BRWD3: variants seen among roughly 807,000 people sequenced by gnomAD.
The protein encoded by BRWD3 is bromodomain and WD repeat-containing protein 3.
In BRWD3, 10 loss-of-function variants were observed where a neutral mutation model predicts 149.7. The ratio of observed to expected loss-of-function variants is 0.07; its 90% CI spans 0.04 to 0.11. BRWD3 has a LOEUF of 0.11. Ranked by LOEUF, BRWD3 falls within the 10% of genes least tolerant of loss-of-function variation. The pLI, the probability that BRWD3 is intolerant of heterozygous loss-of-function variation, is 1.00. For missense variants in BRWD3, 940 were observed against 1,373.2 expected, an observed-to-expected ratio of 0.68 and a Z score of 4.99; for synonymous variants, 504 against 456.7, an observed-to-expected ratio of 1.10 and a Z score of -1.32.
chrX:80,680,780 A>G (rs908236469), intron 40 of BRWD3, among the ~76,000 whole-genome samples: 2 of 109,989 alleles, frequency 1.8e-5, no homozygotes, highest in Admixed American at 9.7e-5. Context: ...AGAACTCTTC[A>G]TTTAGTTTTT....
chrX:80,766,363 T>C (rs906205678), intron 6 of BRWD3, among the ~76,000 whole-genome samples: 2 of 110,985 alleles, frequency 1.8e-5, no homozygotes, highest in African/African-American at 6.6e-5. Flanking sequence ...CTTCTCAGCC[T>C]CCATAATCAC....
chrX:80,715,350 TTC>T (rs1308957297), intron 20 of BRWD3, among the ~76,000 whole-genome samples: 1 of 111,927 alleles, frequency 8.9e-6, no homozygotes, highest in Non-Finnish European at 1.9e-5. Flanking sequence ...TTACCTAAAT[TTC>T]TGTTTATCAA....
At chrX:80,778,322 C>A (rs1489520052) in intron 6 of BRWD3, among the ~76,000 whole-genome samples, 1 of 111,846 alleles carries the variant, frequency 8.9e-6, no homozygotes, top group Non-Finnish European at 1.9e-5. Context: ...TAACCAACTT[C>A]AAGACAAAGT....
chrX:80,706,034 C>A, intron 22 of BRWD3, among the ~76,000 whole-genome samples: 2 of 112,087 alleles, frequency 1.8e-5, no homozygotes, highest in Middle Eastern at 9.2e-3. Context: ...TTACTTTATA[C>A]TTTTTAGTGT....
At chrX:80,754,117 AT>A (rs926305503) in intron 6 of BRWD3, among the ~76,000 whole-genome samples, 1 of 112,187 alleles carries the variant, frequency 8.9e-6, no homozygotes. Context: ...CAGTATGATC[AT>A]TTTAACAATA....
At position 80,676,561 on chromosome X, in the gene BRWD3, C is replaced by T; in HGVS notation, c.*48G>A. The T allele has an allele frequency of 8.4e-7, 1 of 1,189,248 alleles. No homozygotes were observed. Among genetic ancestry groups the T allele is most frequent in the Non-Finnish European group, 1.1e-6 (1 of 878,816 alleles). On this transcript the variant is annotated 3_prime_UTR_variant, in exon 41 of 41. Coordinates refer to ENST00000373275, the MANE Select transcript of BRWD3 (RefSeq NM_153252.5). ...TGTAGATTTCCTGGTAAATTCCCTG[C>T]AGTAGAAGGCCATTGAATTTTTTAA...
rs993255156 is a variant in BRWD3 at position 80,707,359 on chromosome X, C to T, written c.2552+68G>A. On this transcript the variant is annotated intron_variant, in intron 22 of 40. Coordinates refer to ENST00000373275, the MANE Select transcript of BRWD3 (RefSeq NM_153252.5). ...TTTTAATTCTGGTTTTACCAATTTC[C>T]TACGAGAACATAATTTCGTATTAAA... 5.0e-6 allele frequency: 5 copies of T among 991,600 alleles called. No individual in the cohort carries two copies. In the African/African-American group the frequency reaches 9.5e-5, roughly 19 times the overall value. 81.7% of individuals were successfully genotyped at this position (991,600 alleles called of 1,213,427 possible). A position where few individuals can be genotyped will look rare whatever the true frequency, so the allele number is the denominator to read the frequency against.
intron 25 of BRWD3, among the ~76,000 whole-genome samples, chrX:80,699,366 A>C (rs902867570): frequency 2.4e-4 from 27 of 111,173 alleles, no homozygotes; most frequent in Non-Finnish European, 5.1e-4. Flanking sequence ...AACACACATA[A>C]ACCTAGGTAG....
At chrX:80,680,992 T>G (rs2147673020) in intron 40 of BRWD3, among the ~76,000 whole-genome samples, 1 of 94,735 alleles carries the variant, frequency 1.1e-5, no homozygotes, top group Non-Finnish European at 2.1e-5. Flanking sequence ...TTTTTTTTTG[T>G]AGAGATTAGG....
chrX:80,757,323 A>T (rs916538758), intron 6 of BRWD3, among the ~76,000 whole-genome samples: 1 of 112,061 alleles, frequency 8.9e-6, no homozygotes, highest in African/African-American at 3.2e-5. Flanking sequence ...AATTTTAGCC[A>T]GGAAAACAAT....
chrX:80,808,635 CA>C (rs752945348), intron 3 of BRWD3, 37 bp from the exon 4 acceptor site: 3 of 1,168,296 alleles, frequency 2.6e-6, no homozygotes, highest in South Asian at 3.6e-5. Flanking sequence ...GAAGCGGAGG[CA>C]AATGATGAAG....
chrX:80,697,675 T>C (rs187238349), intron 25 of BRWD3, among the ~76,000 whole-genome samples: 4 of 112,167 alleles, frequency 3.6e-5, no homozygotes, highest in East Asian at 5.6e-4. Context: ...AGGTACACAG[T>C]ATTCCATGAT....
intron 14 of BRWD3, among the ~76,000 whole-genome samples, chrX:80,726,273 T>TTA (rs776780477): frequency 3.4e-5 from 3 of 88,153 alleles, no homozygotes; most frequent in African/African-American, 1.3e-4. Flanking sequence ...CGTTTACATG[T>TTA]TATGTCTGTA....
intron 4 of BRWD3, among the ~76,000 whole-genome samples, chrX:80,796,315 GA>G (rs2074239380): frequency 9.1e-6 from 1 of 110,225 alleles, no homozygotes; most frequent in Non-Finnish European, 1.9e-5. Flanking sequence ...ATTTTTAGTA[GA>G]GACGGGGTTT....
intron 34 of BRWD3, among the ~76,000 whole-genome samples, chrX:80,687,352 T>A (rs1012254786): frequency 1.8e-5 from 2 of 111,564 alleles, no homozygotes; most frequent in Non-Finnish European, 3.8e-5. Flanking sequence ...GACAATGGCA[T>A]CATATTTTTC....
In BRWD3 at chrX:80,682,470, T is replaced by C; in HGVS notation, c.4392A>G (p.Ala1464=). The change falls in exon 38 of 41, where the codon GCA becomes GCG. Residue 1464 remains alanine (A), a synonymous_variant. Transcript: ENST00000373275. ...TTGCATCAATGTAATGATACCTAGG[T>C]GCTCCACTACTAGATAATGAACTGC... is the stretch of plus-strand genomic sequence containing the variant. ...SSSSSLSSSG[A]PSPKGKQKQM... 2 of 1,209,590 alleles carry C rather than the reference T, an allele frequency of 1.7e-6. No homozygotes were observed. The highest frequency in any genetic ancestry group is 2.2e-6 in the Non-Finnish European group (2 of 893,814).
intron 4 of BRWD3, among the ~76,000 whole-genome samples, chrX:80,805,802 G>A (rs1357806955): frequency 9.0e-6 from 1 of 111,088 alleles, no homozygotes; most frequent in African/African-American, 3.3e-5. Context: ...GGGCGTGGTG[G>A]CGCGTGCCTG....
intron 18 of BRWD3, among the ~76,000 whole-genome samples, chrX:80,718,938 A>G (rs1178023473): frequency 2.7e-5 from 3 of 111,533 alleles, no homozygotes; most frequent in Non-Finnish European, 5.7e-5. Flanking sequence ...TTAAGGATAG[A>G]ATATTCATTT....
At chrX:80,695,700 T>C (rs1388965056) in intron 27 of BRWD3, among the ~76,000 whole-genome samples, 3 of 111,446 alleles carry the variant, frequency 2.7e-5, no homozygotes, top group African/African-American at 9.8e-5. Context: ...ACTAATAGAG[T>C]AGGTATTTGC....
Sources: allele counts gnomAD v4.1 joint callset (sites outside exome capture counted in the v4.1 genomes callset), GRCh38; gene constraint gnomAD v4.1.1; transcripts MANE v1.5; gene names NCBI Gene and HGNC (gene_info 2026-07-23, HGNC 2026-07-21).